CRCP: variants seen among roughly 807,000 people sequenced by gnomAD.
CRCP encodes the protein DNA-directed RNA polymerase III subunit RPC9.
CRCP carries 18 observed loss-of-function variants against 18.5 expected under a neutral mutation model. The observed-to-expected ratio is 0.97, with a 90% CI of 0.67 to 1.44. The LOEUF (loss-of-function observed/expected upper bound fraction) is 1.44, where lower values mean the gene tolerates loss of function less well. CRCP is among the 40% of genes most tolerant of loss of function. CRCP has a pLI of 0.00. For synonymous variants in CRCP, 53 were observed against 62.9 expected (o/e 0.84, Z 0.75); for missense variants, 130 against 176.4 (o/e 0.74, Z 1.49).
At chr7:66,152,090 C>T (rs916268831) in intron 5 of CRCP, 118 bp from the exon 6 acceptor site, 1 of 1,128,810 alleles carries the variant, frequency 8.9e-7, no homozygotes, top group Non-Finnish European at 1.3e-6. Context: ...TCACGAGGAC[C>T]CAGGCTGTGA....
intron 4 of CRCP, among the ~76,000 whole-genome samples, chr7:66,144,757 C>T (rs1365294873): frequency 1.3e-5 from 2 of 152,190 alleles, no homozygotes; most frequent in African/African-American, 4.8e-5. Context: ...GGATTACAGG[C>T]ATGAGCCACC....
intron 4 of CRCP, among the ~76,000 whole-genome samples, chr7:66,143,910 G>T (rs1299952000): frequency 7.2e-5 from 11 of 152,206 alleles, no homozygotes; most frequent in Non-Finnish European, 1.5e-4. Flanking sequence ...GTTAAGTACT[G>T]TTATCATTCC....
chr7:66,120,238 T>G (rs1022694123), intron 1 of CRCP, among the ~76,000 whole-genome samples: 2 of 152,142 alleles, frequency 1.3e-5, no homozygotes, highest in African/African-American at 2.4e-5. Flanking sequence ...TGTTTTTCAT[T>G]TGAGGTTGGT....
intron 4 of CRCP, among the ~76,000 whole-genome samples, chr7:66,137,215 A>G (rs78855874): frequency 0.013 from 2,026 of 152,212 alleles, 58 homozygotes; most frequent in African/African-American, 0.046. Context: ...ATTTATACCT[A>G]TTTCATAATT....
intron 4 of CRCP, among the ~76,000 whole-genome samples, chr7:66,135,689 G>A (rs1787950687): frequency 6.6e-6 from 1 of 152,186 alleles, no homozygotes; most frequent in African/African-American, 2.4e-5. Context: ...TTGGGAGGCT[G>A]AGGTGGGTGG....
At chr7:66,121,871 C>A (rs1012157484) in intron 1 of CRCP, among the ~76,000 whole-genome samples, 2 of 152,114 alleles carry the variant, frequency 1.3e-5, no homozygotes, top group Non-Finnish European at 2.9e-5. Context: ...TATAACAACT[C>A]AGTAACAGGA....
chr7:66,149,413 G>A (rs564553217), intron 5 of CRCP, among the ~76,000 whole-genome samples: 1 of 152,120 alleles, frequency 6.6e-6, no homozygotes, highest in South Asian at 2.1e-4. Context: ...CAGCTACTTG[G>A]AAGGCTGAGG....
chr7:66,131,168 G>T (rs935896774), intron 3 of CRCP, among the ~76,000 whole-genome samples: 4 of 151,992 alleles, frequency 2.6e-5, no homozygotes, highest in Admixed American at 2.0e-4. Context: ...TAGAGACAGG[G>T]TTTCACCATG....
At chr7:66,145,087 C>T (rs779351714) in intron 4 of CRCP, among the ~76,000 whole-genome samples, 8 of 151,950 alleles carry the variant, frequency 5.3e-5, no homozygotes, top group Non-Finnish European at 8.8e-5. Flanking sequence ...ACCCTGGAGG[C>T]GGAGGCTACA....
At chr7:66,123,823 C>T (rs536860361) in intron 1 of CRCP, among the ~76,000 whole-genome samples, 3 of 150,312 alleles carry the variant, frequency 2.0e-5, no homozygotes, top group African/African-American at 2.4e-5. Context: ...GAGGCCGAGG[C>T]GGGCGGATCA....
At chr7:66,135,587 T>A (rs1317195003) in intron 4 of CRCP, among the ~76,000 whole-genome samples, 1 of 152,232 alleles carries the variant, frequency 6.6e-6, no homozygotes, top group Non-Finnish European at 1.5e-5. Context: ...TTGTTACATA[T>A]GTATACATGT....
At chr7:66,139,763 G>A (rs1788078490) in intron 4 of CRCP, among the ~76,000 whole-genome samples, 1 of 152,174 alleles carries the variant, frequency 6.6e-6, no homozygotes, top group African/African-American at 2.4e-5. Context: ...GCTGTGCTGG[G>A]TCTGTTCCAT....
At chr7:66,127,855 T>C in intron 2 of CRCP, 115 bp downstream of exon 2, 1 of 1,152,286 alleles carries the variant, frequency 8.7e-7, no homozygotes, top group Non-Finnish European at 1.3e-6. Flanking sequence ...GGTTCACGCC[T>C]GTAATCCCAG....
chr7:66,114,919 G>C lies in CRCP; in HGVS notation c.-44G>C. The C allele has an allele frequency of 6.2e-7, 1 of 1,611,558 alleles. No individual in the cohort carries two copies. Among genetic ancestry groups the C allele is most frequent in the East Asian group, 2.2e-5 (1 of 44,754 alleles). The stretch of plus-strand genomic sequence containing the variant: ...CGGCGGAGACAGCTGTGAAGTGTGA[G>C]GTTCTTTGTCTGCTGGCAGCTAGGG... On this transcript the variant is annotated 5_prime_UTR_variant, in exon 1 of 6. Transcript: ENST00000395326.
At position 66,151,747 on chromosome 7, in the gene CRCP, C is replaced by CTTTTTTTTTTTTTTTTTTTTTTTTT. The variant is rs1260395389; in HGVS notation, c.298-457_298-456insTTTTTTTTTTTTTTTTTTTTTTTTT. ...TATAACTTAGCTTTTTCCTTTTTTT[C>CTTTTTTTTTTTTTTTTTTTTTTTTT]TTTTCTTTTTTTTTTTTTTTTTTTA... On this transcript the variant is annotated intron_variant, in intron 5 of 5. Coordinates refer to ENST00000395326, the MANE Select transcript of CRCP (RefSeq NM_014478.5). Among the ~76,000 whole-genome samples, 2 of 55,424 alleles carry CTTTTTTTTTTTTTTTTTTTTTTTTT rather than the reference C, an allele frequency of 3.6e-5. 1 individual carries two copies. Among genetic ancestry groups the CTTTTTTTTTTTTTTTTTTTTTTTTT allele is most frequent in the African/African-American group, 1.4e-4 (2 of 14,214 alleles). The allele number at this position is 55,424 out of a possible 152,430, so 36.4% of individuals were successfully genotyped here.
chr7:66,131,945 G>A (rs1787819018), intron 3 of CRCP, among the ~76,000 whole-genome samples: 1 of 151,954 alleles, frequency 6.6e-6, no homozygotes, highest in Non-Finnish European at 1.5e-5. Flanking sequence ...ATTTTTAGTA[G>A]AGACAGGGTT....
chr7:66,146,664 T>C (rs1465328571), intron 5 of CRCP, among the ~76,000 whole-genome samples: 1 of 152,192 alleles, frequency 6.6e-6, no homozygotes, highest in Non-Finnish European at 1.5e-5. Flanking sequence ...ATTGTCTTCC[T>C]AGGGTTGTTT....
chr7:66,145,340 G>T lies in CRCP; in HGVS notation c.240-103G>T, dbSNP rs984887236. On this transcript the variant is annotated intron_variant, in intron 4 of 5. Coordinates refer to ENST00000395326, the MANE Select transcript of CRCP (RefSeq NM_014478.5). Reference sequence around the variant, plus strand: ...AAGGAACTGAGGGCCACACTCCAGTGGTTCTCCCATTTTTTATCTGGCAAA... The same window carrying T: ...AAGGAACTGAGGGCCACACTCCAGTTGTTCTCCCATTTTTTATCTGGCAAA... 1.5e-5 allele frequency: 17 copies of T among 1,157,092 alleles called. No homozygotes were observed. In the African/African-American group the frequency reaches 2.4e-4, roughly 16 times the overall value. The allele number at this position is 1,157,092 out of a possible 1,614,324, so 71.7% of individuals were successfully genotyped here.
intron 5 of CRCP, among the ~76,000 whole-genome samples, chr7:66,146,347 C>T (rs1309811180): frequency 1.3e-5 from 2 of 151,948 alleles, no homozygotes; most frequent in African/African-American, 4.8e-5. Context: ...GGGAGATACC[C>T]GGGCCACCAC....
Sources: allele counts gnomAD v4.1 joint callset (sites outside exome capture counted in the v4.1 genomes callset), GRCh38; gene constraint gnomAD v4.1.1; transcripts MANE v1.5; gene names NCBI Gene and HGNC (gene_info 2026-07-23, HGNC 2026-07-21).